MSI2: variants seen among roughly 807,000 people sequenced by gnomAD.
MSI2 encodes RNA-binding protein Musashi homolog 2.
In MSI2, 17 loss-of-function variants were observed where a neutral mutation model predicts 45.6. The observed-to-expected ratio is 0.37, with a 90% CI of 0.26 to 0.56. MSI2 has a LOEUF of 0.56. MSI2 is among the 20% of genes least tolerant of loss of function. The pLI, the probability that MSI2 is intolerant of heterozygous loss-of-function variation, is 0.77. For missense variants in MSI2, 293 were observed against 444.2 expected (o/e 0.66, Z 3.06); for synonymous variants, 156 against 158.2 (o/e 0.99, Z 0.11).
chr17:57,574,853 C>T (rs112153622), intron 7 of MSI2, among the ~76,000 whole-genome samples: 8,614 of 132,656 alleles, frequency 0.065, 375 homozygotes, highest in East Asian at 0.2. Context: ...TTTTTTGAGA[C>T]GGAGTCTCGC....
At chr17:57,535,684 G>A (rs2086906174) in intron 7 of MSI2, among the ~76,000 whole-genome samples, 1 of 152,168 alleles carries the variant, frequency 6.6e-6, no homozygotes, top group African/African-American at 2.4e-5. Context: ...GAACTAAGAG[G>A]GTCCTTTCCC....
At position 57,596,760 on chromosome 17, in the gene MSI2, A is replaced by G; in HGVS notation, c.455-108A>G. The G allele has an allele frequency of 1.4e-6, 1 of 738,558 alleles. No homozygotes were observed. The highest frequency in any genetic ancestry group is 1.5e-5 in the South Asian group (1 of 66,256). 45.8% of individuals were successfully genotyped at this position (738,558 alleles called of 1,614,324 possible). ...CCCAAGGATCCGCCTACCTACCCCC[A>G]GACCAGGAGGCTGTCAAGACCTCAG... On this transcript the variant is annotated intron_variant, in intron 7 of 13. Coordinates refer to ENST00000284073, the MANE Select transcript of MSI2 (RefSeq NM_138962.4). The surrounding 1 kb of genome is among the most constrained non-coding windows in gnomAD (Gnocchi z 4.6).
intron 5 of MSI2, among the ~76,000 whole-genome samples, chr17:57,373,577 C>A (rs555329536): frequency 1.3e-5 from 2 of 152,190 alleles, no homozygotes; most frequent in Non-Finnish European, 2.9e-5. Context: ...ACGGAAACCT[C>A]TAGGTTGTGC....
intron 5 of MSI2, chr17:57,264,019 A>T (rs756644011): frequency 3.9e-5 from 6 of 152,220 alleles, no homozygotes; most frequent in Non-Finnish European, 8.8e-5. Flanking sequence ...ACCTTCTCTC[A>T]GTCTCAGTGT....
chr17:57,619,028 AC>A (rs1308035339), intron 9 of MSI2, among the ~76,000 whole-genome samples: 2 of 152,104 alleles, frequency 1.3e-5, no homozygotes, highest in African/African-American at 4.8e-5. Context: ...CTAACTTGGT[AC>A]CCTCTGCATG....
intron 5 of MSI2, among the ~76,000 whole-genome samples, chr17:57,287,123 AAAAAGTTGTTTTTTTTTTTTTTT>A (rs1909969884): frequency 7.7e-6 from 1 of 129,448 alleles, no homozygotes; most frequent in Non-Finnish European, 1.7e-5. Flanking sequence ...AAGTGGTCTC[AAAAAGTTGTTTTTTTTTTTTTTT>A]AATTTGCTGA....
chr17:57,339,558 G>C (rs1013046143), intron 5 of MSI2, among the ~76,000 whole-genome samples: 8 of 152,140 alleles, frequency 5.3e-5, no homozygotes, highest in Non-Finnish European at 1.2e-4. Context: ...GTGTGCAAGG[G>C]GTTGAGTCCC....
At chr17:57,536,799 C>T (rs1024537497) in intron 7 of MSI2, among the ~76,000 whole-genome samples, 2 of 152,144 alleles carry the variant, frequency 1.3e-5, no homozygotes, top group Admixed American at 6.5e-5. Flanking sequence ...CAGTTTAGTC[C>T]GTAGTGTGAT....
At chr17:57,602,239 T>C (rs1905968576) in intron 8 of MSI2, among the ~76,000 whole-genome samples, 1 of 152,106 alleles carries the variant, frequency 6.6e-6, no homozygotes, top group Non-Finnish European at 1.5e-5. Context: ...GCTCATCAGC[T>C]ATCTTTAGTG....
At chr17:57,674,544 G>A (rs900254706) in intron 11 of MSI2, among the ~76,000 whole-genome samples, 3 of 151,546 alleles carry the variant, frequency 2.0e-5, no homozygotes, top group African/African-American at 7.3e-5. Context: ...TGTGAATGCT[G>A]TCTCAACGTG....
intron 6 of MSI2, among the ~76,000 whole-genome samples, chr17:57,497,903 A>C (rs2086014163): frequency 6.6e-6 from 1 of 152,180 alleles, no homozygotes; most frequent in South Asian, 2.1e-4. Context: ...TCTTCATACC[A>C]AGAGAGCTGG....
chr17:57,630,387 A>G (rs941827370), intron 10 of MSI2: 2 of 152,216 alleles, frequency 1.3e-5, no homozygotes, highest in Non-Finnish European at 2.9e-5. Flanking sequence ...TCAACCATCA[A>G]ACTTTTATTT....
At chr17:57,548,233 G>C (rs2087216620) in intron 7 of MSI2, among the ~76,000 whole-genome samples, 1 of 152,096 alleles carries the variant, frequency 6.6e-6, no homozygotes, top group Non-Finnish European at 1.5e-5. Flanking sequence ...GATTTCAAGG[G>C]CTTAACCTGT....
At chr17:57,579,514 C>T (rs1218282693) in intron 7 of MSI2, among the ~76,000 whole-genome samples, 1 of 152,166 alleles carries the variant, frequency 6.6e-6, no homozygotes, top group Non-Finnish European at 1.5e-5. Flanking sequence ...TGCCAGCCAT[C>T]AGGACATCTG....
intron 7 of MSI2, among the ~76,000 whole-genome samples, chr17:57,575,944 CAAAAAAAAAAAAA>C (rs34036311): frequency 3.1e-5 from 2 of 64,432 alleles, no homozygotes; most frequent in Non-Finnish European, 6.7e-5. Context: ...GACTCCGTCT[CAAAAAAAAAAAAA>C]AAAAAAAAAA....
chr17:57,396,741 A>G (rs558920015), intron 5 of MSI2, among the ~76,000 whole-genome samples: 3 of 152,308 alleles, frequency 2.0e-5, no homozygotes, highest in Admixed American at 6.5e-5. Context: ...AGAACTTTCC[A>G]GCAATGATTT....
At chr17:57,438,809 T>TA (rs960151549) in intron 6 of MSI2, among the ~76,000 whole-genome samples, 3 of 151,730 alleles carry the variant, frequency 2.0e-5, no homozygotes, top group Admixed American at 2.0e-4. Flanking sequence ...AATTTTTTTT[T>TA]TTTTTGAGAC....
At chr17:57,274,802 A>G (rs1335619421) in intron 5 of MSI2, among the ~76,000 whole-genome samples, 1 of 152,254 alleles carries the variant, frequency 6.6e-6, no homozygotes, top group African/African-American at 2.4e-5. Flanking sequence ...ACTCAGAGGG[A>G]CCTAGTTTGA....
Position 57,314,785 on chromosome 17 carries a change from T to C in MSI2, c.312+52593T>C, listed in dbSNP as rs537667663. Among the ~76,000 whole-genome samples the C allele has an allele frequency of 9.9e-4, 150 of 152,238 alleles. 1 individual carries two copies. The highest frequency in any genetic ancestry group is 3.5e-3 in the African/African-American group (147 of 41,536). On this transcript the variant is annotated intron_variant, in intron 5 of 13. Coordinates refer to ENST00000284073, the MANE Select transcript of MSI2 (RefSeq NM_138962.4). ...CGGGGTTTCGCTATGTTGGCCAGGA[T>C]GGTCTCGATCTCCTGACTTTGTGAT...
Sources: allele counts gnomAD v4.1 joint callset (sites outside exome capture counted in the v4.1 genomes callset), GRCh38; gene constraint gnomAD v4.1.1; non-coding constraint Gnocchi (gnomAD v3.1); transcripts MANE v1.5; gene names NCBI Gene and HGNC (gene_info 2026-07-23, HGNC 2026-07-21).